The following CA10 variants were observed in gnomAD, a reference collection of about 807,000 sequenced individuals.
CA10 encodes the protein carbonic anhydrase-related protein 10.
A neutral mutation model predicts 44.2 loss-of-function variants in CA10; 14 were observed. The observed-to-expected ratio is 0.32, with a 90% CI of 0.21 to 0.50. The LOEUF (loss-of-function observed/expected upper bound fraction) is 0.50, where lower values mean the gene tolerates loss of function less well. Among genes scored for constraint, CA10 ranks in the 20% least tolerant of loss-of-function variants. The pLI, the probability that CA10 is intolerant of heterozygous loss-of-function variation, is 0.99. For missense variants in CA10, 350 were observed against 409.7 expected, an observed-to-expected ratio of 0.85 and a Z score of 1.26; for synonymous variants, 159 against 141.6, an observed-to-expected ratio of 1.12 and a Z score of -0.87.
chr17:52,086,859 G>T (rs1988128878), intron 1 of CA10, among the ~76,000 whole-genome samples: 2 of 152,210 alleles, frequency 1.3e-5, no homozygotes, highest in Admixed American at 1.3e-4. Flanking sequence ...ACACTTAGCA[G>T]TCTTTTCCAC....
intron 3 of CA10, among the ~76,000 whole-genome samples, chr17:51,876,014 G>C (rs1980055144): frequency 6.6e-6 from 1 of 152,088 alleles, no homozygotes; most frequent in Non-Finnish European, 1.5e-5. Context: ...TTGCTGAGTA[G>C]TATCCCATTG....
At chr17:52,095,285 C>A (rs1988375103) in intron 1 of CA10, among the ~76,000 whole-genome samples, 1 of 151,928 alleles carries the variant, frequency 6.6e-6, no homozygotes, top group Non-Finnish European at 1.5e-5. Flanking sequence ...TTATAAAGGT[C>A]AGAATATTTT....
At chr17:52,109,358 T>C (rs1988741360) in intron 1 of CA10, among the ~76,000 whole-genome samples, 1 of 152,132 alleles carries the variant, frequency 6.6e-6, no homozygotes, top group African/African-American at 2.4e-5. Flanking sequence ...AAAAACAAAA[T>C]AAACCACATA....
rs762589663 is a variant in CA10, at chr17:51,633,460, G to C, written c.964+16C>G. Reference sequence around the variant, plus strand: ...CTCTAGCCTAGATCCTCCACTCTCTGAGCCACCAAACCCACCTCTATACTG... The same window carrying C: ...CTCTAGCCTAGATCCTCCACTCTCTCAGCCACCAAACCCACCTCTATACTG... On this transcript the variant is annotated intron_variant, in intron 8 of 8. Transcript: ENST00000451037. The C allele has an allele frequency of 1.2e-6, 2 of 1,607,144 alleles. No homozygotes were observed. The highest frequency in any genetic ancestry group is 2.7e-5 in the African/African-American group (2 of 74,820).
intron 2 of CA10, among the ~76,000 whole-genome samples, chr17:51,945,356 C>G (rs1193717999): frequency 6.6e-6 from 1 of 152,078 alleles, no homozygotes; most frequent in African/African-American, 2.4e-5. Context: ...GGGTAAATAT[C>G]CTTGCTGGGA....
At chr17:52,068,914 G>T (rs1421909405) in intron 2 of CA10, among the ~76,000 whole-genome samples, 2 of 152,192 alleles carry the variant, frequency 1.3e-5, no homozygotes, top group Non-Finnish European at 2.9e-5. Context: ...GACAGTGAGA[G>T]ATTTATTTAA....
chr17:51,838,695 T>G (rs1365580459), intron 3 of CA10, among the ~76,000 whole-genome samples: 1 of 152,210 alleles, frequency 6.6e-6, no homozygotes, highest in Non-Finnish European at 1.5e-5. Flanking sequence ...CCCTTCCCCT[T>G]TACATAGCAA....
chr17:52,020,518 A>G (rs1043525600), intron 2 of CA10, among the ~76,000 whole-genome samples: 1 of 151,968 alleles, frequency 6.6e-6, no homozygotes, highest in Non-Finnish European at 1.5e-5. Context: ...CAAATCCGTC[A>G]TTTTTTGTCT....
Position 52,105,979 on chromosome 17 carries a change from AAT to A in CA10, c.62-33588_62-33587del, listed in dbSNP as rs367996799. On this transcript the variant is annotated intron_variant, in intron 1 of 8. Transcript: ENST00000451037. ...AATGCCAGCTGTTATAATTGCACAT[AAT>A]AGTCAATTTTCAATAAAAGTTGATA... 3.6e-3 allele frequency among the ~76,000 whole-genome samples: 551 copies of A among 152,354 alleles called. 4 individuals carry two copies. Among genetic ancestry groups the A allele is most frequent in the African/African-American group, 0.013 (520 of 41,594 alleles).
chr17:51,662,955 G>A (rs1914060245), intron 4 of CA10, among the ~76,000 whole-genome samples: 1 of 152,078 alleles, frequency 6.6e-6, no homozygotes, highest in Admixed American at 6.6e-5. Flanking sequence ...TTGGGTGCAG[G>A]ATCATGCTGG....
chr17:51,809,341 C>G (rs9889685), intron 3 of CA10, among the ~76,000 whole-genome samples: 3,255 of 152,264 alleles, frequency 0.021, 111 homozygotes, highest in African/African-American at 0.073. Flanking sequence ...AGATAAGTAA[C>G]ATACCAACAT....
At chr17:51,986,348 A>G (rs779878302) in intron 2 of CA10, among the ~76,000 whole-genome samples, 1 of 152,126 alleles carries the variant, frequency 6.6e-6, no homozygotes, top group Non-Finnish European at 1.5e-5. Context: ...TTATACAAAA[A>G]TCAACTCAAG....
intron 5 of CA10, among the ~76,000 whole-genome samples, chr17:51,653,291 G>A (rs1049126174): frequency 4.6e-5 from 7 of 152,210 alleles, no homozygotes; most frequent in African/African-American, 1.7e-4. Flanking sequence ...CTTTAATCCT[G>A]TGGGGCATTA....
rs185226148 is a variant in CA10, at chr17:51,659,354, T to C, written c.466-5618A>G. ...TCTCCCTGTGGTTTGGGATTGGGGATTACACCATCAGCACCTCCTGGTTCT... is the reference window on the plus strand; with the variant it reads ...TCTCCCTGTGGTTTGGGATTGGGGACTACACCATCAGCACCTCCTGGTTCT... On this transcript the variant is annotated intron_variant, in intron 4 of 8. Transcript: ENST00000451037. Among the ~76,000 whole-genome samples the C allele has an allele frequency of 3.9e-5, 6 of 152,204 alleles. No individual in the cohort carries two copies. The East Asian group carries it at 1.2e-3, about 29-fold the overall frequency.
chr17:51,845,642 C>T (rs903160507), intron 3 of CA10, among the ~76,000 whole-genome samples: 7 of 152,214 alleles, frequency 4.6e-5, no homozygotes, highest in Admixed American at 4.6e-4. Context: ...TCAAAATGCA[C>T]TCAGCATTGA....
chr17:51,821,143 C>A (rs1182752556), intron 3 of CA10, among the ~76,000 whole-genome samples: 2 of 143,788 alleles, frequency 1.4e-5, no homozygotes, highest in East Asian at 4.2e-4. Flanking sequence ...CCCTCCCTCC[C>A]AATATTTATT....
rs116240435 is a variant in CA10, at chr17:51,747,985, A to G, written c.280-167T>C. 6.0e-3 allele frequency among the ~76,000 whole-genome samples: 913 copies of G among 152,292 alleles called. 4 individuals carry two copies. Among genetic ancestry groups the G allele is most frequent in the African/African-American group, 0.021 (858 of 41,542 alleles). ...AGCTGCCCCAGAGGGTATATGTGGG[A>G]TCTATGGTAATTTCTGTGAGGCATA... On this transcript the variant is annotated intron_variant, in intron 3 of 8. Coordinates refer to ENST00000451037, the MANE Select transcript of CA10 (RefSeq NM_020178.5).
chr17:52,137,887 C>T (rs938516533), intron 1 of CA10, among the ~76,000 whole-genome samples: 1 of 152,152 alleles, frequency 6.6e-6, no homozygotes, highest in Non-Finnish European at 1.5e-5. Flanking sequence ...AGCTTTCCTT[C>T]ACCACAGCTG....
At chr17:51,882,693 C>CAAGAG (rs1980429391) in intron 3 of CA10, among the ~76,000 whole-genome samples, 1 of 152,098 alleles carries the variant, frequency 6.6e-6, no homozygotes, top group African/African-American at 2.4e-5. Flanking sequence ...TCTCTGTGCT[C>CAAGAG]AGCTCTCTTG....
Sources: gnomAD v4.1 joint callset for allele counts (sites outside exome capture counted in the v4.1 genomes callset) on GRCh38, gnomAD v4.1.1 for gene constraint, MANE v1.5 for transcripts, NCBI Gene and HGNC (gene_info 2026-07-23, HGNC 2026-07-21) for gene names.